PDE4D: variants seen among roughly 807,000 people sequenced by gnomAD.
The protein encoded by PDE4D is phosphodiesterase 4D.
PDE4D carries 24 observed loss-of-function variants against 87.4 expected under a neutral mutation model. That is an observed-to-expected ratio of 0.27 (90% CI 0.20 to 0.39). The LOEUF is 0.39. Among genes scored for constraint, PDE4D ranks in the 10% least tolerant of loss-of-function variants. The probability of loss-of-function intolerance (pLI) is 1.00; values close to 1 mark genes in which losing one functional copy is unlikely to be tolerated. For missense variants in PDE4D, 714 were observed against 1,041.0 expected (o/e 0.69, Z 4.32); for synonymous variants, 384 against 383.2 (o/e 1.00, Z -0.02).
intron 1 of PDE4D, among the ~76,000 whole-genome samples, chr5:59,418,339 C>T (rs1034447893): frequency 6.6e-5 from 10 of 152,164 alleles, no homozygotes; most frequent in African/African-American, 1.2e-4. Flanking sequence ...TAAATTCTGA[C>T]CACACTCAAT....
chr5:59,882,113 T>C (rs1001628414), intron 1 of PDE4D, among the ~76,000 whole-genome samples: 8 of 152,220 alleles, frequency 5.3e-5, no homozygotes, highest in Middle Eastern at 3.2e-3. Flanking sequence ...TTAATATAAG[T>C]ATGGGTTTCT....
At chr5:59,030,867 T>C (rs1262577047) in intron 6 of PDE4D, among the ~76,000 whole-genome samples, 7 of 152,036 alleles carry the variant, frequency 4.6e-5, no homozygotes, top group Non-Finnish European at 8.8e-5. Context: ...CAGGGGTACA[T>C]GTGCAGGATG....
At chr5:60,277,312 T>C (rs1169954624) in intron 1 of PDE4D, among the ~76,000 whole-genome samples, 1 of 151,970 alleles carries the variant, frequency 6.6e-6, no homozygotes, top group Non-Finnish European at 1.5e-5. Flanking sequence ...TATATCCATA[T>C]CAAAAAAGAA....
At chr5:58,976,546 G>A in intron 12 of PDE4D, 74 bp from the exon 13 acceptor site, 1 of 1,177,320 alleles carries the variant, frequency 8.5e-7, no homozygotes, top group Admixed American at 2.3e-5. Context: ...CAGAATATAA[G>A]AATGAAAAAG....
intron 1 of PDE4D, among the ~76,000 whole-genome samples, chr5:59,892,715 A>G (rs983693964): frequency 1.3e-5 from 2 of 152,090 alleles, no homozygotes; most frequent in Non-Finnish European, 2.9e-5. Context: ...CCTCTTCCCA[A>G]TAGGGTGAGT....
At chr5:59,229,407 T>C (rs1467229348) in intron 1 of PDE4D, among the ~76,000 whole-genome samples, 1 of 152,156 alleles carries the variant, frequency 6.6e-6, no homozygotes, top group Non-Finnish European at 1.5e-5. Context: ...GATTAGCACA[T>C]TTGAAGAAAT....
intron 1 of PDE4D, among the ~76,000 whole-genome samples, chr5:59,678,807 T>A (rs76366807): frequency 0.024 from 3,682 of 152,240 alleles, 121 homozygotes; most frequent in African/African-American, 0.074. Context: ...TATCAACTCA[T>A]TGACGGTCAA....
At chr5:59,493,963 G>T (rs1301477994) in intron 1 of PDE4D, among the ~76,000 whole-genome samples, 1 of 152,080 alleles carries the variant, frequency 6.6e-6, no homozygotes, top group Non-Finnish European at 1.5e-5. Context: ...TTATAATAAG[G>T]ATTGCTTCAA....
intron 1 of PDE4D, among the ~76,000 whole-genome samples, chr5:60,280,082 G>C (rs1201116019): frequency 2.6e-5 from 4 of 151,300 alleles, no homozygotes; most frequent in African/African-American, 9.7e-5. Flanking sequence ...GTCTCAAAAA[G>C]GAAAAGAAAA....
chr5:60,183,798 G>A (rs1202834857), intron 2 of PDE4D, among the ~76,000 whole-genome samples: 2 of 152,166 alleles, frequency 1.3e-5, no homozygotes, highest in East Asian at 1.9e-4. Context: ...AAACGTAAGC[G>A]TTGGAGGGTT....
chr5:59,347,866 C>T (rs568381543), intron 1 of PDE4D, among the ~76,000 whole-genome samples: 2 of 152,138 alleles, frequency 1.3e-5, no homozygotes, highest in South Asian at 2.1e-4. Context: ...GAGTTTCAGG[C>T]CTAGAACTAC....
intron 1 of PDE4D, among the ~76,000 whole-genome samples, chr5:60,248,686 A>G (rs1748074096): frequency 6.6e-6 from 1 of 151,970 alleles, no homozygotes; most frequent in South Asian, 2.1e-4. Context: ...TGTCTTATCA[A>G]TTTCTTATTC....
intron 1 of PDE4D, among the ~76,000 whole-genome samples, chr5:59,666,461 A>G (rs1746093815): frequency 6.6e-6 from 1 of 152,218 alleles, no homozygotes; most frequent in African/African-American, 2.4e-5. Flanking sequence ...AGGTCTAAGG[A>G]ATTCTATATA....
At chr5:59,108,861 C>T (rs556461483) in intron 5 of PDE4D, among the ~76,000 whole-genome samples, 2 of 148,796 alleles carry the variant, frequency 1.3e-5, no homozygotes, top group Non-Finnish European at 3.0e-5. Context: ...GAGTGGAGAT[C>T]GCACCACTGC....
At chr5:60,465,297 C>T (rs1747264138) in intron 1 of PDE4D, among the ~76,000 whole-genome samples, 2 of 152,134 alleles carry the variant, frequency 1.3e-5, no homozygotes, top group Non-Finnish European at 2.9e-5. Context: ...TTTCACTATG[C>T]TTTAGATCAT....
At chr5:60,274,214 A>C (rs935146381) in intron 1 of PDE4D, among the ~76,000 whole-genome samples, 7 of 152,192 alleles carry the variant, frequency 4.6e-5, no homozygotes, top group Non-Finnish European at 7.3e-5. Context: ...AGGGTGTTCA[A>C]CATTAGTTCT....
intron 1 of PDE4D, chr5:60,521,436 T>C (rs940763596): frequency 6.6e-6 from 1 of 152,202 alleles, no homozygotes; most frequent in African/African-American, 2.4e-5. Context: ...TCATCCTATA[T>C]ACTACAACCT....
At chr5:58,997,073 A>G (rs1014162955) in intron 6 of PDE4D, among the ~76,000 whole-genome samples, 4 of 152,190 alleles carry the variant, frequency 2.6e-5, no homozygotes, top group African/African-American at 9.6e-5. Context: ...TATTTGAAGC[A>G]ATTACTTCTC....
intron 1 of PDE4D, among the ~76,000 whole-genome samples, chr5:59,546,957 T>A (rs1033786826): frequency 6.6e-6 from 1 of 152,134 alleles, no homozygotes; most frequent in Admixed American, 6.6e-5. Context: ...ACGTCAGAAA[T>A]GCCCTTCTCA....
Sources: gnomAD v4.1 joint callset for allele counts (sites outside exome capture counted in the v4.1 genomes callset) on GRCh38, gnomAD v4.1.1 for gene constraint, MANE v1.5 for transcripts, NCBI Gene and HGNC (gene_info 2026-07-23, HGNC 2026-07-21) for gene names.